Variants in WDR70 observed in about 807,000 individuals in gnomAD.
WDR70 encodes WD repeat domain 70.
Under a neutral mutation model 88.6 loss-of-function variants are expected in WDR70, and 53 were observed. That is an observed-to-expected ratio of 0.60 (90% CI 0.48 to 0.75). The LOEUF (loss-of-function observed/expected upper bound fraction) is 0.75. Ranked by LOEUF, WDR70 falls within the 30% of genes least tolerant of loss-of-function variation. The probability of loss-of-function intolerance (pLI) is 0.00; values close to 1 mark genes in which losing one functional copy is unlikely to be tolerated. For synonymous variants in WDR70, 280 were observed against 270.0 expected, an observed-to-expected ratio of 1.04 and a Z score of -0.36; for missense variants, 610 against 823.2, an observed-to-expected ratio of 0.74 and a Z score of 3.17.
At chr5:37,591,635 A>G (rs527517845) in intron 9 of WDR70, among the ~76,000 whole-genome samples, 1 of 152,344 alleles carries the variant, frequency 6.6e-6, no homozygotes, top group Non-Finnish European at 1.5e-5. Flanking sequence ...CCAATTCTAT[A>G]CAAACTCTTC....
chr5:37,405,188 A>T (rs989798203), intron 5 of WDR70, among the ~76,000 whole-genome samples: 6 of 152,186 alleles, frequency 3.9e-5, no homozygotes, highest in Non-Finnish European at 7.3e-5. Flanking sequence ...GAAGTCACTA[A>T]ACATGTTTAA....
intron 10 of WDR70, among the ~76,000 whole-genome samples, chr5:37,668,107 G>A (rs919946753): frequency 6.6e-5 from 10 of 152,086 alleles, no homozygotes; most frequent in African/African-American, 2.4e-4. Flanking sequence ...AATTCTCTAG[G>A]AACCCTTGCT....
intron 17 of WDR70, among the ~76,000 whole-genome samples, chr5:37,748,891 T>C (rs1223224162): frequency 6.6e-6 from 1 of 151,934 alleles, no homozygotes; most frequent in Non-Finnish European, 1.5e-5. Context: ...GAAATGCAAA[T>C]CAAAACCACA....
At chr5:37,696,193 TA>T (rs754087376) in intron 10 of WDR70, among the ~76,000 whole-genome samples, 1 of 152,052 alleles carries the variant, frequency 6.6e-6, no homozygotes, top group Non-Finnish European at 1.5e-5. Flanking sequence ...TGATATCCAA[TA>T]AAAAAACCGT....
Position 37,554,678 on chromosome 5 carries a change from GCA to G in WDR70, c.917+38115_917+38116del, listed in dbSNP as rs3068425. Among the ~76,000 whole-genome samples, 1,251 of 147,570 alleles carry G rather than the reference GCA, an allele frequency of 8.5e-3. 16 individuals carry two copies. Among genetic ancestry groups the G allele is most frequent in the East Asian group, 0.044 (219 of 4,964 alleles). ...TACTCACACACGCATGCACCTGCACGCACACACACACACACACACACACACAC... is the reference window on the plus strand; with the variant it reads ...TACTCACACACGCATGCACCTGCACGCACACACACACACACACACACACAC... On this transcript the variant is annotated intron_variant, in intron 9 of 17. Coordinates refer to ENST00000265107, the MANE Select transcript of WDR70 (RefSeq NM_018034.4).
chr5:37,419,587 G>C (rs71588451), intron 5 of WDR70, among the ~76,000 whole-genome samples: 26,502 of 151,548 alleles, frequency 0.17, 2,786 homozygotes, highest in East Asian at 0.37. Context: ...GCCAAGGTGG[G>C]TGGATCACCT....
At chr5:37,381,899 C>A (rs578124072) in intron 3 of WDR70, 11 of 375,884 alleles carry the variant, frequency 2.9e-5, no homozygotes, top group Admixed American at 1.1e-4. Flanking sequence ...ACTAAAAATA[C>A]AATAATTAGC....
In WDR70 at chr5:37,535,877, G is replaced by A. The variant is rs1219282726; in HGVS notation, c.917+19287G>A. On this transcript the variant is annotated intron_variant, in intron 9 of 17. Coordinates refer to ENST00000265107, the MANE Select transcript of WDR70 (RefSeq NM_018034.4). ...AGTGTTGCTTGGATAACATGAGCCA[G>A]AATGTGAACCCACTGAGTGGTTTGT... 3.3e-5 allele frequency among the ~76,000 whole-genome samples: 5 copies of A among 152,320 alleles called. No homozygotes were observed. The East Asian group carries it at 9.6e-4, about 29-fold the overall frequency.
intron 9 of WDR70, among the ~76,000 whole-genome samples, chr5:37,564,990 C>G (rs964243920): frequency 1.3e-5 from 2 of 152,078 alleles, no homozygotes; most frequent in African/African-American, 2.4e-5. Flanking sequence ...TAGTTACTTA[C>G]GTAGCTAAGA....
chr5:37,671,464 C>G (rs367858993), intron 10 of WDR70, among the ~76,000 whole-genome samples: 4 of 152,070 alleles, frequency 2.6e-5, no homozygotes, highest in African/African-American at 7.2e-5. Flanking sequence ...GATTAATAAA[C>G]TGAAAACTGG....
At chr5:37,444,064 G>C (rs1007630576) in intron 7 of WDR70, among the ~76,000 whole-genome samples, 2 of 151,710 alleles carry the variant, frequency 1.3e-5, no homozygotes, top group Non-Finnish European at 2.9e-5. Flanking sequence ...CAGGAGAATT[G>C]CTTGAACCCG....
chr5:37,697,257 G>A (rs533674665), intron 10 of WDR70, among the ~76,000 whole-genome samples: 67 of 152,210 alleles, frequency 4.4e-4, no homozygotes, highest in African/African-American at 1.6e-3. Context: ...AAATATTTTG[G>A]GGTAAATAAA....
At chr5:37,543,201 T>C (rs1447858532) in intron 9 of WDR70, among the ~76,000 whole-genome samples, 1 of 152,036 alleles carries the variant, frequency 6.6e-6, no homozygotes, top group African/African-American at 2.4e-5. Flanking sequence ...CACAGACATA[T>C]GAGTTAACCC....
chr5:37,452,138 C>T (rs931657246), intron 7 of WDR70, among the ~76,000 whole-genome samples: 20 of 152,092 alleles, frequency 1.3e-4, no homozygotes, highest in Admixed American at 3.9e-4. Context: ...TGTTAATGAT[C>T]GCTGCTTGTG....
chr5:37,556,533 A>C (rs959071935), intron 9 of WDR70, among the ~76,000 whole-genome samples: 2 of 152,242 alleles, frequency 1.3e-5, no homozygotes, highest in South Asian at 4.1e-4. Flanking sequence ...GATCTTAAGC[A>C]AACTTACTAA....
chr5:37,441,546 G>A (rs1049617427), intron 6 of WDR70, among the ~76,000 whole-genome samples: 11 of 152,242 alleles, frequency 7.2e-5, no homozygotes, highest in Middle Eastern at 3.4e-3. Flanking sequence ...CTGGCCAGGT[G>A]CCGTGGCTCA....
At chr5:37,416,564 A>ATC in intron 5 of WDR70, among the ~76,000 whole-genome samples, 2 of 140,726 alleles carry the variant, frequency 1.4e-5, no homozygotes, top group African/African-American at 5.4e-5. Flanking sequence ...GGAGAGGGAG[A>ATC]GGGCTTGGGA....
intron 9 of WDR70, among the ~76,000 whole-genome samples, chr5:37,595,770 G>A (rs1215984902): frequency 6.6e-6 from 1 of 152,032 alleles, no homozygotes; most frequent in Admixed American, 6.6e-5. Context: ...GTTTTGTTTT[G>A]TTTAATCTGT....
At chr5:37,566,510 T>G (rs1174256429) in intron 9 of WDR70, among the ~76,000 whole-genome samples, 3 of 152,158 alleles carry the variant, frequency 2.0e-5, no homozygotes, top group Admixed American at 1.3e-4. Flanking sequence ...TTTTCCTTCA[T>G]GGTACAAACA....
Sources: allele counts gnomAD v4.1 joint callset (sites outside exome capture counted in the v4.1 genomes callset), GRCh38; gene constraint gnomAD v4.1.1; transcripts MANE v1.5; gene names NCBI Gene and HGNC (gene_info 2026-07-23, HGNC 2026-07-21).